Variants in TMEM132C observed in about 807,000 individuals in gnomAD.
TMEM132C encodes the protein protein phosphatase 1, regulatory subunit 152.
TMEM132C carries 29 observed loss-of-function variants against 61.4 expected under a neutral mutation model. The ratio of observed to expected loss-of-function variants is 0.47; its 90% confidence interval spans 0.35 to 0.64. The LOEUF is 0.64. Ranked by LOEUF, TMEM132C falls within the 30% of genes least tolerant of loss-of-function variation. TMEM132C has a pLI of 0.00. For missense variants in TMEM132C, 1,408 were observed against 1,476.9 expected, an observed-to-expected ratio of 0.95 and a Z score of 0.76; for synonymous variants, 656 against 633.1, an observed-to-expected ratio of 1.04 and a Z score of -0.54.
At chr12:128,528,751 C>G (rs1272788916) in intron 2 of TMEM132C, among the ~76,000 whole-genome samples, 1 of 152,178 alleles carries the variant, frequency 6.6e-6, no homozygotes, top group African/African-American at 2.4e-5. Context: ...TGCTCAGTGT[C>G]CCCTGGAGCA....
intron 2 of TMEM132C, among the ~76,000 whole-genome samples, chr12:128,536,893 AG>A (rs1035651333): frequency 7.2e-5 from 11 of 151,982 alleles, no homozygotes; most frequent in Non-Finnish European, 1.2e-4. Context: ...GCAGCCTGCC[AG>A]GTGGCCATTC....
intron 4 of TMEM132C, among the ~76,000 whole-genome samples, chr12:128,655,523 T>C (rs1954317120): frequency 6.6e-6 from 1 of 151,796 alleles, no homozygotes. Context: ...AGTCGGCTGC[T>C]GGGCGGCCCG....
Position 128,308,908 on chromosome 12 carries a change from G to A in TMEM132C, c.85+41421G>A, listed in dbSNP as rs540165517. Among the ~76,000 whole-genome samples, 56 of 152,288 alleles carry A rather than the reference G, an allele frequency of 3.7e-4. No homozygotes were observed. The South Asian group carries it at 6.0e-3, about 16-fold the overall frequency. On this transcript the variant is annotated intron_variant, in intron 1 of 8. Coordinates refer to ENST00000435159, the MANE Select transcript of TMEM132C (RefSeq NM_001136103.3). The stretch of plus-strand genomic sequence containing the variant: ...TTCTCTCCCTTGGTTTCCATAGAGG[G>A]AAATGGATTTTAAAAATGTGATGGA...
intron 3 of TMEM132C, among the ~76,000 whole-genome samples, chr12:128,608,642 T>C (rs1876509600): frequency 6.6e-6 from 1 of 152,238 alleles, no homozygotes. Flanking sequence ...CACTTCTGTG[T>C]ACAGCAGTAA....
chr12:128,487,305 C>G (rs1242494273), intron 2 of TMEM132C, among the ~76,000 whole-genome samples: 1 of 152,156 alleles, frequency 6.6e-6, no homozygotes, highest in Non-Finnish European at 1.5e-5. Context: ...TTTGCTCACC[C>G]TCTTCCCCGA....
intron 3 of TMEM132C, among the ~76,000 whole-genome samples, chr12:128,556,209 G>A (rs1349971045): frequency 6.6e-6 from 1 of 152,166 alleles, no homozygotes; most frequent in African/African-American, 2.4e-5. Context: ...AAATGGTGAA[G>A]GGGCTTCTCC....
At chr12:128,596,093 G>T (rs1403400606) in intron 3 of TMEM132C, among the ~76,000 whole-genome samples, 1 of 151,752 alleles carries the variant, frequency 6.6e-6, no homozygotes, top group Non-Finnish European at 1.5e-5. Flanking sequence ...GAGGCAGCAG[G>T]GCTTCACTGA....
chr12:128,459,711 C>T (rs549244661), intron 2 of TMEM132C, among the ~76,000 whole-genome samples: 5 of 151,560 alleles, frequency 3.3e-5, no homozygotes, highest in African/African-American at 1.2e-4. Flanking sequence ...ATGGTGAAAC[C>T]CTGTCTCTAC....
chr12:128,601,946 T>C (rs1455399642), intron 3 of TMEM132C, among the ~76,000 whole-genome samples: 2 of 152,120 alleles, frequency 1.3e-5, no homozygotes, highest in Non-Finnish European at 2.9e-5. Context: ...ATTCACAGTT[T>C]TCTTTTCTGT....
At chr12:128,334,006 C>T (rs1872731821) in intron 1 of TMEM132C, among the ~76,000 whole-genome samples, 1 of 151,632 alleles carries the variant, frequency 6.6e-6, no homozygotes, top group Admixed American at 6.6e-5. Flanking sequence ...ATGCATGTGA[C>T]TGTGTGACCA....
At chr12:128,636,077 G>T (rs182569430) in intron 4 of TMEM132C, among the ~76,000 whole-genome samples, 6 of 152,232 alleles carry the variant, frequency 3.9e-5, no homozygotes, top group Admixed American at 2.0e-4. Flanking sequence ...TTGAGACAGG[G>T]TCTCACTCTG....
chr12:128,590,727 A>G (rs560439237), intron 3 of TMEM132C, among the ~76,000 whole-genome samples: 72 of 152,280 alleles, frequency 4.7e-4, no homozygotes, highest in Non-Finnish European at 8.4e-4. Flanking sequence ...GCTGGACTGG[A>G]AGCTGCATGC....
intron 1 of TMEM132C, among the ~76,000 whole-genome samples, chr12:128,374,706 C>T (rs1171019374): frequency 1.3e-5 from 2 of 148,600 alleles, no homozygotes; most frequent in Non-Finnish European, 3.0e-5. Context: ...ACAACACCCA[C>T]AGTGCAGAGA....
intron 2 of TMEM132C, among the ~76,000 whole-genome samples, chr12:128,531,992 C>G (rs1414987983): frequency 6.6e-6 from 1 of 152,210 alleles, no homozygotes; most frequent in Admixed American, 6.5e-5. Context: ...CAATGTTTTT[C>G]AATAGTTTCT....
At chr12:128,615,255 C>T (rs1299883454) in intron 3 of TMEM132C, among the ~76,000 whole-genome samples, 2 of 152,052 alleles carry the variant, frequency 1.3e-5, no homozygotes, top group African/African-American at 2.4e-5. Context: ...GCACCAGGGA[C>T]CAGTTTCATG....
chr12:128,397,514 A>C (rs1208189502), intron 1 of TMEM132C, among the ~76,000 whole-genome samples: 1 of 152,136 alleles, frequency 6.6e-6, no homozygotes, highest in Non-Finnish European at 1.5e-5. Context: ...AGAAACTTAC[A>C]AACCACCATA....
At chr12:128,407,857 C>A (rs139670316) in intron 1 of TMEM132C, among the ~76,000 whole-genome samples, 2 of 152,144 alleles carry the variant, frequency 1.3e-5, no homozygotes, top group African/African-American at 4.8e-5. Flanking sequence ...TGTAGATAAG[C>A]GTGTAGATAC....
In TMEM132C at chr12:128,705,075, C is replaced by T; in HGVS notation, c.2122-15C>T. On this transcript the variant is annotated splice_polypyrimidine_tract_variant and intron_variant, in intron 8 of 8. Coordinates refer to ENST00000435159, the MANE Select transcript of TMEM132C (RefSeq NM_001136103.3). ...CATCCCCCAGGTGGTCTTCTAACTG[C>T]CTGTGTCCCTGCAGGAGGCTGTATT... is the stretch of plus-strand genomic sequence containing the variant. 3 of 1,509,872 alleles carry T rather than the reference C, an allele frequency of 2.0e-6. No homozygotes were observed. Among genetic ancestry groups the T allele is most frequent in the Middle Eastern group, 1.7e-4 (1 of 5,724 alleles). 93.5% of individuals were successfully genotyped at this position (1,509,872 alleles called of 1,614,324 possible).
chr12:128,315,600 CAG>C (rs1872128279), intron 1 of TMEM132C, among the ~76,000 whole-genome samples: 2 of 152,020 alleles, frequency 1.3e-5, no homozygotes, highest in South Asian at 4.2e-4. Flanking sequence ...GGTGGCAGGA[CAG>C]AGAGATGTGT....
Sources: allele counts gnomAD v4.1 joint callset (sites outside exome capture counted in the v4.1 genomes callset), GRCh38; gene constraint gnomAD v4.1.1; transcripts MANE v1.5; gene names NCBI Gene and HGNC (gene_info 2026-07-23, HGNC 2026-07-21).